Variants in AIG1 observed in about 807,000 individuals in gnomAD.
AIG1 encodes the protein androgen-induced gene 1 protein.
Under a neutral mutation model 31.4 loss-of-function variants are expected in AIG1, and 23 were observed. The observed-to-expected ratio is 0.73, with a 90% CI of 0.53 to 1.04. The LOEUF (loss-of-function observed/expected upper bound fraction) is 1.04. AIG1 is among the 50% of genes least tolerant of loss of function. AIG1 has a pLI of 0.00. For missense variants in AIG1, 274 were observed against 295.0 expected, an observed-to-expected ratio of 0.93 and a Z score of 0.52; for synonymous variants, 100 against 110.5, an observed-to-expected ratio of 0.90 and a Z score of 0.60.
At chr6:143,287,242 G>GT (rs1797748391) in intron 4 of AIG1, among the ~76,000 whole-genome samples, 1 of 152,098 alleles carries the variant, frequency 6.6e-6, no homozygotes, top group Non-Finnish European at 1.5e-5. Flanking sequence ...TGATATAAGA[G>GT]TTTAAGTATC....
At chr6:143,307,620 C>G (rs551326106) in intron 4 of AIG1, among the ~76,000 whole-genome samples, 1 of 152,264 alleles carries the variant, frequency 6.6e-6, no homozygotes, top group East Asian at 1.9e-4. Context: ...CTGGGGGGTG[C>G]CTCCCAGTTA....
intron 1 of AIG1, among the ~76,000 whole-genome samples, chr6:143,098,301 C>T (rs768583849): frequency 2.0e-5 from 3 of 152,190 alleles, no homozygotes; most frequent in African/African-American, 4.8e-5. Flanking sequence ...TTACATAACT[C>T]ACAGGAATGA....
Position 143,136,844 on chromosome 6 carries a change from G to T in AIG1, c.151G>T (p.Ala51Ser), listed in dbSNP as rs776465017. Residue 51 changes from alanine to serine, a missense_variant, in exon 2 of 6, where the codon GCT becomes TCT. Coordinates refer to ENST00000357847, the MANE Select transcript of AIG1 (RefSeq NM_016108.4). The part of the protein sequence containing the change: ...FLTFIDLVIQ[A>S]VFFGICVLTD... Reference sequence around the variant, plus strand: ...TGTTGTCCCCCTACAGGTTATCCAGGCTGTCTTTTTTGGCATCTGTGTGCT... The same window carrying T: ...TGTTGTCCCCCTACAGGTTATCCAGTCTGTCTTTTTTGGCATCTGTGTGCT... 6 of 1,429,602 alleles carry T rather than the reference G, an allele frequency of 4.2e-6. No individual in the cohort carries two copies. Among genetic ancestry groups the T allele is most frequent in the Non-Finnish European group, 5.6e-6 (6 of 1,073,606 alleles). The allele number at this position is 1,429,602 out of a possible 1,614,324, so 88.6% of individuals were successfully genotyped here. A position where few individuals can be genotyped will look rare whatever the true frequency, so the allele number is the denominator to read the frequency against.
chr6:143,253,822 T>G (rs1795179500), intron 3 of AIG1, among the ~76,000 whole-genome samples: 2 of 152,328 alleles, frequency 1.3e-5, no homozygotes, highest in African/African-American at 4.8e-5. Flanking sequence ...ACGAAGTTAC[T>G]GGTCTTGGTT....
chr6:143,191,185 A>C (rs977024731), intron 3 of AIG1, among the ~76,000 whole-genome samples: 3 of 152,170 alleles, frequency 2.0e-5, no homozygotes. Flanking sequence ...ATAATCACGC[A>C]CACTTAACTC....
At chr6:143,096,406 G>C (rs1270360968) in intron 1 of AIG1, among the ~76,000 whole-genome samples, 1 of 152,152 alleles carries the variant, frequency 6.6e-6, no homozygotes, top group Non-Finnish European at 1.5e-5. Context: ...GCTGGCTAAG[G>C]TATCTCTTCT....
At chr6:143,262,305 G>C (rs1242973305) in intron 3 of AIG1, among the ~76,000 whole-genome samples, 1 of 152,146 alleles carries the variant, frequency 6.6e-6, no homozygotes. Flanking sequence ...CATTTCCAAG[G>C]TACTTTTTTC....
At chr6:143,309,263 A>G (rs1331884115) in intron 4 of AIG1, among the ~76,000 whole-genome samples, 1 of 152,020 alleles carries the variant, frequency 6.6e-6, no homozygotes, top group Non-Finnish European at 1.5e-5. Flanking sequence ...CCACAGACCT[A>G]CCCTAGAATA....
At chr6:143,122,593 T>A (rs969784230) in intron 1 of AIG1, among the ~76,000 whole-genome samples, 11 of 152,196 alleles carry the variant, frequency 7.2e-5, no homozygotes, top group Non-Finnish European at 1.5e-5. Flanking sequence ...AGAACATATG[T>A]TTCTTTCTAT....
At chr6:143,314,961 C>T (rs1170668315) in intron 4 of AIG1, among the ~76,000 whole-genome samples, 6 of 151,980 alleles carry the variant, frequency 3.9e-5, no homozygotes, top group South Asian at 2.1e-4. Context: ...AAACTGGATT[C>T]GTCAAATGAA....
At position 143,062,283 on chromosome 6, in the gene AIG1, G is replaced by A. The variant is rs991194111; in HGVS notation, c.141+1217G>A. On this transcript the variant is annotated intron_variant, in intron 1 of 5. Coordinates refer to ENST00000357847, the MANE Select transcript of AIG1 (RefSeq NM_016108.4). ...CTCCAAACTGTGCACATACCCTTAG[G>A]CCCACAAGACTTCACAGGGTATAGA... is the stretch of plus-strand genomic sequence containing the variant. Among the ~76,000 whole-genome samples the A allele has an allele frequency of 7.9e-5, 12 of 152,234 alleles. No homozygotes were observed. In the East Asian group the frequency reaches 2.1e-3, roughly 27 times the overall value.
intron 1 of AIG1, among the ~76,000 whole-genome samples, chr6:143,113,441 A>G (rs1781461253): frequency 6.6e-6 from 1 of 151,506 alleles, no homozygotes; most frequent in African/African-American, 2.4e-5. Flanking sequence ...CATCTCTACT[A>G]AAAATACAAA....
chr6:143,060,824 C>CGCGCCCGCGCCCGGGTTCCCACG, upstream of AIG1: 2 of 431,370 alleles, frequency 4.6e-6, no homozygotes, highest in Non-Finnish European at 6.0e-6. Context: ...GCCCCGCGCC[C>CGCGCCCGCGCCCGGGTTCCCACG]GCGCCCGCGC....
chr6:143,136,536 G>A (rs908800694), intron 1 of AIG1, among the ~76,000 whole-genome samples: 1 of 152,102 alleles, frequency 6.6e-6, no homozygotes, highest in Non-Finnish European at 1.5e-5. Context: ...TAAAATAATG[G>A]CCCTGCTGGT....
intron 3 of AIG1, among the ~76,000 whole-genome samples, chr6:143,193,406 G>A (rs1789961270): frequency 6.6e-6 from 1 of 152,052 alleles, no homozygotes; most frequent in Admixed American, 6.5e-5. Flanking sequence ...GCCTTTTATT[G>A]CAAGCTACCT....
chr6:143,229,939 A>G (rs1191167460), intron 3 of AIG1, among the ~76,000 whole-genome samples: 1 of 152,066 alleles, frequency 6.6e-6, no homozygotes, highest in African/African-American at 2.4e-5. Context: ...GGGACATTTC[A>G]TGGTCTTATT....
intron 3 of AIG1, among the ~76,000 whole-genome samples, chr6:143,246,793 C>T (rs905786062): frequency 1.3e-5 from 2 of 152,156 alleles, no homozygotes; most frequent in Non-Finnish European, 2.9e-5. Flanking sequence ...AACAAAAGAA[C>T]TAACTGTGAA....
In AIG1 at chr6:143,268,228, A is replaced by T. The variant is rs140450610; in HGVS notation, c.400-15882A>T. ...AATAAAACCAAAGGTTGGTTGTGTG[A>T]TCTACATGTGGAGCTCAGAGCATGT... On this transcript the variant is annotated intron_variant, in intron 3 of 5. Coordinates refer to ENST00000357847, the MANE Select transcript of AIG1 (RefSeq NM_016108.4). The surrounding 1 kb of genome is among the most constrained non-coding windows in gnomAD (Gnocchi z 5.0). 8.1e-4 allele frequency among the ~76,000 whole-genome samples: 123 copies of T among 152,194 alleles called. No homozygotes were observed. Among genetic ancestry groups the T allele is most frequent in the Non-Finnish European group, 1.2e-3 (84 of 68,010 alleles).
chr6:143,185,058 T>G (rs898121562), intron 3 of AIG1, among the ~76,000 whole-genome samples: 10 of 151,928 alleles, frequency 6.6e-5, no homozygotes, highest in African/African-American at 2.4e-4. Context: ...TCGCTGGGTG[T>G]GGTGGTGCAC....
Sources: allele counts gnomAD v4.1 joint callset (sites outside exome capture counted in the v4.1 genomes callset), GRCh38; gene constraint gnomAD v4.1.1; non-coding constraint Gnocchi (gnomAD v3.1); transcripts MANE v1.5; gene names NCBI Gene and HGNC (gene_info 2026-07-23, HGNC 2026-07-21).